Variants in BRD4 observed in about 807,000 individuals in gnomAD.
BRD4 encodes bromodomain-containing protein 4.
Under a neutral mutation model 142.1 loss-of-function variants are expected in BRD4, and 16 were observed. The ratio of observed to expected loss-of-function variants is 0.11; its 90% confidence interval spans 0.08 to 0.17. The LOEUF (loss-of-function observed/expected upper bound fraction) is 0.17, where lower values mean the gene tolerates loss of function less well. Among genes scored for constraint, BRD4 ranks in the 10% least tolerant of loss-of-function variants. BRD4 has a pLI of 1.00. For synonymous variants in BRD4, 833 were observed against 707.5 expected (o/e 1.18, Z -2.82); for missense variants, 1,424 against 1,810.9 (o/e 0.79, Z 3.88).
In BRD4 at chr19:15,272,807, C is replaced by A; in HGVS notation, c.285+8G>T. On this transcript the variant is annotated splice_region_variant and intron_variant, in intron 2 of 19. Coordinates refer to ENST00000679869, the MANE Select transcript of BRD4 (RefSeq NM_001379291.1). ...ACGGCCACCCTGGGCCCTGCCCACA[C>A]TACTCACAGGGAGGTTCAGCTTGAC... 1 of 1,611,178 alleles carries A rather than the reference C, an allele frequency of 6.2e-7. No homozygotes were observed. The highest frequency in any genetic ancestry group is 1.1e-5 in the South Asian group (1 of 90,978).
In BRD4 at chr19:15,255,370, G is replaced by C; in HGVS notation, c.1974C>G (p.Thr658=). ...GCTCACGCAGTGTGGACGGCTTCAG[G>C]GTCTCAAAGTCGATTTCAATCTCGT... ...NPDEIEIDFE[T]LKPSTLRELE... The change falls in exon 10 of 20, where the codon ACC becomes ACG. Residue 658 remains threonine (T), a synonymous_variant. Coordinates refer to ENST00000679869, the MANE Select transcript of BRD4 (RefSeq NM_001379291.1). 2 of 1,614,048 alleles carry C rather than the reference G, an allele frequency of 1.2e-6. No homozygotes were observed. The highest frequency in any genetic ancestry group is 1.7e-6 in the Non-Finnish European group (2 of 1,179,998).
intron 1 of BRD4, among the ~76,000 whole-genome samples, chr19:15,308,958 T>C (rs1290734783): frequency 6.6e-6 from 1 of 151,640 alleles, no homozygotes; most frequent in African/African-American, 2.4e-5. Flanking sequence ...AAGGTTGCAG[T>C]GAGCCAAGAT....
chr19:15,314,224 C>T (rs1291864257), intron 1 of BRD4, among the ~76,000 whole-genome samples: 3 of 152,094 alleles, frequency 2.0e-5, no homozygotes, highest in Admixed American at 6.6e-5. Context: ...AAATGGAGGA[C>T]GTGAGGGTGT....
At chr19:15,299,875 T>G (rs572944147) in intron 1 of BRD4, among the ~76,000 whole-genome samples, 9 of 152,320 alleles carry the variant, frequency 5.9e-5, no homozygotes, top group African/African-American at 2.2e-4. Context: ...CACGACTTAA[T>G]TGCTGCTCCA....
intron 11 of BRD4, chr19:15,246,577 C>T (rs1568379419): frequency 6.6e-6 from 1 of 152,138 alleles, no homozygotes; most frequent in Non-Finnish European, 1.5e-5. Flanking sequence ...TGCTGGGGCT[C>T]GCCTGTTGTC....
chr19:15,331,483 CA>C (rs1041798301), intron 1 of BRD4, among the ~76,000 whole-genome samples: 1 of 152,208 alleles, frequency 6.6e-6, no homozygotes, highest in African/African-American at 2.4e-5. Context: ...ACGGACCGAG[CA>C]AAACAAAGCG....
rs2047510704 is a variant in BRD4, at chr19:15,264,617, C to G, written c.999G>C (p.Lys333Asn). 15 of 1,614,088 alleles carry G rather than the reference C, an allele frequency of 9.3e-6. No homozygotes were observed. The highest frequency in any genetic ancestry group is 1.3e-5 in the Non-Finnish European group (15 of 1,180,020). ...GGTGCTGCTGAGAGTCGGGCACGTC[C>G]TTCTTTGGAGGTTTCACAGGCCGGC... Reference protein sequence around the residue: ...ESSRPVKPPKKDVPDSQQHPA... With the variant: ...ESSRPVKPPKNDVPDSQQHPA... Residue 333 changes from lysine (K) to asparagine (N), a missense_variant, in exon 6 of 20, where the codon AAG (lysine) becomes AAC (asparagine). Transcript: ENST00000679869.
chr19:15,253,444 AT>A, intron 11 of BRD4: 1 of 1,068,858 alleles, frequency 9.4e-7, no homozygotes, highest in Non-Finnish European at 1.4e-6. Context: ...GTGGGCTCTA[AT>A]GGGGAACCCA....
chr19:15,282,041 AAC>A (rs2047708899), intron 1 of BRD4, among the ~76,000 whole-genome samples: 1 of 152,076 alleles, frequency 6.6e-6, no homozygotes, highest in African/African-American at 2.4e-5. Context: ...CAAACAAACA[AAC>A]AAAAACTGTT....
intron 7 of BRD4, among the ~76,000 whole-genome samples, chr19:15,259,345 G>C (rs2047445323): frequency 1.3e-5 from 2 of 152,236 alleles, no homozygotes; most frequent in South Asian, 4.1e-4. Context: ...GCCTGGGCCA[G>C]CTTCAAGACT....
intron 1 of BRD4, among the ~76,000 whole-genome samples, chr19:15,288,423 A>T (rs1336668161): frequency 6.6e-6 from 1 of 152,226 alleles, no homozygotes; most frequent in African/African-American, 2.4e-5. Flanking sequence ...AAAAATAAAT[A>T]GAAGAAGAGG....
At chr19:15,313,093 C>T (rs989819494) in intron 1 of BRD4, among the ~76,000 whole-genome samples, 2 of 151,242 alleles carry the variant, frequency 1.3e-5, no homozygotes, top group Admixed American at 1.3e-4. Context: ...GAATTGTGGC[C>T]GGGCACGGTG....
At chr19:15,262,688 A>G (rs2047486224) in intron 7 of BRD4, among the ~76,000 whole-genome samples, 1 of 151,904 alleles carries the variant, frequency 6.6e-6, no homozygotes, top group Non-Finnish European at 1.5e-5. Context: ...GTGCCACTAC[A>G]CTCCAGCCTG....
chr19:15,279,268 C>G (rs2047682219), intron 1 of BRD4, among the ~76,000 whole-genome samples: 1 of 152,194 alleles, frequency 6.6e-6, no homozygotes, highest in African/African-American at 2.4e-5. Flanking sequence ...GAACAGGAAA[C>G]AAACTGTTTC....
intron 11 of BRD4, among the ~76,000 whole-genome samples, chr19:15,246,010 G>C (rs112423996): frequency 1.3e-5 from 2 of 152,188 alleles, no homozygotes; most frequent in South Asian, 2.1e-4. Context: ...CTTGTGCCCT[G>C]TAAGAGCTCA....
In BRD4 at chr19:15,243,009, G is replaced by T. The variant is rs779067833; in HGVS notation, c.3060C>A (p.Pro1020=). 6 of 1,545,698 alleles carry T rather than the reference G, an allele frequency of 3.9e-6. No individual in the cohort carries two copies. Among genetic ancestry groups the T allele is most frequent in the Admixed American group, 2.0e-5 (1 of 50,676 alleles). Residue 1020 remains proline, a synonymous_variant, in exon 14 of 20, where the codon CCC becomes CCA. Coordinates refer to ENST00000679869, the MANE Select transcript of BRD4 (RefSeq NM_001379291.1). ...GTGGCTGCTGGCCTGGGGGCGGATG[G>T]GGGGGCTGCTGGCCCTGGGGTGGCG... ...QPPPPQGQQP[P]HPPPGQQPPP... is the part of the protein sequence containing the mutation.
chr19:15,257,923 G>C lies in BRD4; in HGVS notation c.1342-750C>G, dbSNP rs2047430261. Among the ~76,000 whole-genome samples the C allele has an allele frequency of 2.6e-5, 4 of 152,234 alleles. No homozygotes were observed. The South Asian group carries it at 8.3e-4, about 32-fold the overall frequency. ...CCAGCAATCAGATGGAACCACGTGG[G>C]GTCATGGAGCTCAGGGAACAGCAGC... On this transcript the variant is annotated intron_variant, in intron 7 of 19. Transcript: ENST00000679869.
chr19:15,255,153 G>C (rs113011669), intron 10 of BRD4, 144 bp downstream of exon 10: 2 of 820,916 alleles, frequency 2.4e-6, no homozygotes, highest in African/African-American at 1.7e-5. Context: ...CAACCTTTCG[G>C]AGGTTTCTGT....
chr19:15,264,688 G>T lies in BRD4; in HGVS notation c.928C>A (p.Pro310Thr), dbSNP rs145334204. The T allele has an allele frequency of 4.2e-5, 68 of 1,613,346 alleles. No individual in the cohort carries two copies. The highest frequency in any genetic ancestry group is 5.6e-5 in the Non-Finnish European group (66 of 1,180,040). The change falls in exon 6 of 20, where the codon CCC becomes ACC. Residue 310 changes from proline to threonine, a missense_variant. Physicochemically the swap from Pro to Thr is conservative, Grantham distance 38. This residue lies in a region of BRD4 where 86 missense variants were observed against 79.9 expected (regional missense o/e 1.08). Transcript: ENST00000679869. ...AGCTTGGTGGTCTTGGGCTCCGGGG[G>T]CAGCGAGGGTGGCTCGTGAATGGGG... Reference protein sequence around the residue: ...IDPIHEPPSLPPEPKTTKLGQ... With the variant: ...IDPIHEPPSLTPEPKTTKLGQ...
Sources: allele counts gnomAD v4.1 joint callset (sites outside exome capture counted in the v4.1 genomes callset), GRCh38; gene constraint gnomAD v4.1.1; regional missense constraint gnomAD v4.1.1; transcripts MANE v1.5; gene names NCBI Gene and HGNC (gene_info 2026-07-23, HGNC 2026-07-21).